Variants in ZNF7 observed in about 807,000 individuals in gnomAD.
ZNF7 encodes zinc finger protein 7.
In ZNF7, 10 loss-of-function variants were observed where a neutral mutation model predicts 12.0. The ratio of observed to expected loss-of-function variants is 0.83; its 90% CI spans 0.51 to 1.42. The LOEUF is 1.42. Among genes scored for constraint, ZNF7 ranks in the 40% most tolerant of loss-of-function variants. ZNF7 has a pLI of 0.00. For missense variants in ZNF7, 854 were observed against 837.2 expected (o/e 1.02, Z -0.25); for synonymous variants, 334 against 295.0 (o/e 1.13, Z -1.35).
downstream of ZNF7, chr8:144,845,905 C>T: frequency 4.2e-6 from 6 of 1,437,414 alleles, no homozygotes; most frequent in South Asian, 3.9e-5. Context: ...AGGGTCTTGG[C>T]AGGTAATGTG....
intron 1 of ZNF7, 148 bp from the exon 2 acceptor site, chr8:144,828,895 G>A: frequency 1.0e-6 from 1 of 973,260 alleles, no homozygotes; most frequent in Non-Finnish European, 1.5e-6. Flanking sequence ...TCACTCAAGT[G>A]CCATGGCTGC....
In ZNF7 at chr8:144,841,514, T is replaced by A; in HGVS notation, c.407T>A (p.Leu136Gln). Residue 136 changes from leucine to glutamine, a missense_variant, in exon 5 of 5, where the codon CTG becomes CAG. Physicochemically the swap from Leu to Gln is moderately radical, Grantham distance 113 (BLOSUM62 -2). Transcript: ENST00000532777. ...TCTGAGGTCTGGTTAGACAGTCATCTGGGCAGTCCCGGGCTGAAAGTGACA... is the reference window on the plus strand; with the variant it reads ...TCTGAGGTCTGGTTAGACAGTCATCAGGGCAGTCCCGGGCTGAAAGTGACA... ...SDSEVWLDSH[L>Q]GSPGLKVTGF... 6.2e-7 allele frequency: 1 copy of A among 1,614,216 alleles called. No individual in the cohort carries two copies. Among genetic ancestry groups the A allele is most frequent in the Non-Finnish European group, 8.5e-7 (1 of 1,180,036 alleles).
At position 144,829,029 on chromosome 8, in the gene ZNF7, A is replaced by G. The variant is rs1343454089; in HGVS notation, c.-45-14A>G. 15 of 1,612,862 alleles carry G rather than the reference A, an allele frequency of 9.3e-6. No homozygotes were observed. Among genetic ancestry groups the G allele is most frequent in the African/African-American group, 1.3e-5 (1 of 74,896 alleles). On this transcript the variant is annotated splice_polypyrimidine_tract_variant and intron_variant, in intron 1 of 4. Coordinates refer to ENST00000532777, the MANE Select transcript of ZNF7 (RefSeq NM_003416.4). ...TGGCACCTTGACCTCTAATCCTTTC[A>G]TAATTGCCAACAGGTCTCTCGGCCA...
At chr8:144,828,131 C>T (rs11994786) in intron 1 of ZNF7, 2 of 152,238 alleles carry the variant, frequency 1.3e-5, no homozygotes, top group African/African-American at 4.8e-5. Flanking sequence ...GGGGGATCAG[C>T]CTACCTGTGC....
chr8:144,837,491 A>G lies in ZNF7; in HGVS notation c.231A>G (p.Pro77=). The change falls in exon 4 of 5, where the codon CCA becomes CCG. Residue 77 remains proline, a synonymous_variant. Coordinates refer to ENST00000532777, the MANE Select transcript of ZNF7 (RefSeq NM_003416.4). ...AGGGAGCAGAGGGGACAGAGGCACC[A>G]AGGACCTCCAAGACAGGTGAGGCTT... ...DLQGAEGTEA[P]RTSKTDSTIR... The G allele has an allele frequency of 1.2e-6, 2 of 1,610,068 alleles. No individual in the cohort carries two copies. Among genetic ancestry groups the G allele is most frequent in the Non-Finnish European group, 1.7e-6 (2 of 1,176,882 alleles).
chr8:144,841,319 G>C (rs771987821), intron 4 of ZNF7, 36 bp from the exon 5 acceptor site: 9 of 1,560,398 alleles, frequency 5.8e-6, no homozygotes, highest in Admixed American at 1.8e-5. Context: ...TCTGAGCACA[G>C]GGCCTAAGGA....
At chr8:144,837,609 C>A in intron 4 of ZNF7, 102 bp downstream of exon 4, 1 of 755,068 alleles carries the variant, frequency 1.3e-6, no homozygotes, top group Non-Finnish European at 2.1e-6. Flanking sequence ...GGGGGCTACA[C>A]TGGGATGCCT....
At chr8:144,837,008 CT>C (rs1414575820) in intron 3 of ZNF7, 5 of 166,894 alleles carry the variant, frequency 3.0e-5, no homozygotes, top group African/African-American at 1.2e-4. Context: ...GTAACCACCC[CT>C]GCCTCTTGGA....
chr8:144,828,398 A>G (rs1828042798), intron 1 of ZNF7, among the ~76,000 whole-genome samples: 1 of 151,946 alleles, frequency 6.6e-6, no homozygotes, highest in Non-Finnish European at 1.5e-5. Context: ...TCTTCCCTAC[A>G]GTTTGTCATT....
At chr8:144,840,457 G>A (rs1829735434) in intron 4 of ZNF7, among the ~76,000 whole-genome samples, 1 of 152,214 alleles carries the variant, frequency 6.6e-6, no homozygotes, top group South Asian at 2.1e-4. Flanking sequence ...TGGCTGCGTG[G>A]TTGTGGTTGT....
intron 3 of ZNF7, 79 bp downstream of exon 3, chr8:144,829,683 G>T (rs1828209868): frequency 5.3e-6 from 8 of 1,522,588 alleles, no homozygotes; most frequent in Admixed American, 4.2e-5. Flanking sequence ...AGAGGCTGGG[G>T]TATGCAGGCC....
chr8:144,829,866 T>C (rs1242870293), intron 3 of ZNF7: 1 of 334,970 alleles, frequency 3.0e-6, no homozygotes, highest in Non-Finnish European at 5.4e-6. Context: ...AGAAATAGAA[T>C]CCAAACTTGA....
At chr8:144,846,149 A>G, downstream of ZNF7, 1 of 1,536,198 alleles carries the variant, frequency 6.5e-7, no homozygotes. Flanking sequence ...GGACAGAAGG[A>G]GGGGAACGTC....
rs767028266 is a variant in ZNF7 at position 144,842,387 on chromosome 8, G to A, written c.1280G>A (p.Arg427His). The A allele has an allele frequency of 2.4e-5, 38 of 1,613,814 alleles. No individual in the cohort carries two copies. Among genetic ancestry groups the A allele is most frequent in the Admixed American group, 1.5e-4 (9 of 60,002 alleles). The change falls in exon 5 of 5, where the codon CGC (arginine) becomes CAC (histidine). Residue 427 changes from arginine to histidine, a missense_variant. By Grantham distance (29) the Arg-to-His change is conservative. Transcript: ENST00000532777. ...GGGAAAGCTTTTAGGTGGATCTCTCGCCTGAGTCAGCATCAGCTGATTCAC... is the reference window on the plus strand; with the variant it reads ...GGGAAAGCTTTTAGGTGGATCTCTCACCTGAGTCAGCATCAGCTGATTCAC... Reference protein sequence around the residue: ...ECGKAFRWISRLSQHQLIHTG... With the variant: ...ECGKAFRWISHLSQHQLIHTG...
rs1378908120 is a variant in ZNF7 at position 144,842,160 on chromosome 8, A to G, written c.1053A>G (p.Arg351=). ...TCAGCCAGCAGTCGCAGCTGGTTAG[A>G]CACCAGAGAACTCACACTGGGGAGA... The part of the protein sequence containing the change: ...KAFSQQSQLV[R]HQRTHTGERP... Residue 351 remains arginine, a synonymous_variant, in exon 5 of 5, where the codon AGA becomes AGG. Coordinates refer to ENST00000532777, the MANE Select transcript of ZNF7 (RefSeq NM_003416.4). 3.1e-6 allele frequency: 5 copies of G among 1,613,544 alleles called. No individual in the cohort carries two copies. Among genetic ancestry groups the G allele is most frequent in the Non-Finnish European group, 4.2e-6 (5 of 1,179,890 alleles).
At chr8:144,835,255 G>A (rs916627341) in intron 3 of ZNF7, 6 of 150,634 alleles carry the variant, frequency 4.0e-5, no homozygotes, top group African/African-American at 1.2e-4. Flanking sequence ...CCAGCCTAGA[G>A]TACAGTGGTG....
rs372906310 is a variant in ZNF7, at chr8:144,842,897, T to C, written c.1790T>C (p.Ile597Thr). 8.1e-6 allele frequency: 13 copies of C among 1,614,202 alleles called. No homozygotes were observed. Among genetic ancestry groups the C allele is most frequent in the East Asian group, 4.5e-5 (2 of 44,886 alleles). Residue 597 changes from isoleucine to threonine, a missense_variant, in exon 5 of 5, where the codon ATT becomes ACT. Coordinates refer to ENST00000532777, the MANE Select transcript of ZNF7 (RefSeq NM_003416.4). ...GKAFSRSSYLIEHQRIHTRAQ... is the reference protein window; with the variant it reads ...GKAFSRSSYLTEHQRIHTRAQ... ...GCCTTCAGCCGGAGCTCATATCTTA[T>C]TGAACACCAGAGAATACACACTAGG...
At chr8:144,829,702 A>C in intron 3 of ZNF7, 98 bp downstream of exon 3, 2 of 1,467,260 alleles carry the variant, frequency 1.4e-6, no homozygotes, top group East Asian at 4.8e-5. Context: ...CCAAACGCTC[A>C]GACCCTTGTG....
chr8:144,833,438 G>A (rs968796973), intron 3 of ZNF7, among the ~76,000 whole-genome samples: 1 of 151,402 alleles, frequency 6.6e-6, no homozygotes, highest in Non-Finnish European at 1.5e-5. Context: ...GTGCGATCTC[G>A]GCTCACTGCA....
Sources: gnomAD v4.1 joint callset for allele counts (sites outside exome capture counted in the v4.1 genomes callset) on GRCh38, gnomAD v4.1.1 for gene constraint, MANE v1.5 for transcripts, NCBI Gene and HGNC (gene_info 2026-07-23, HGNC 2026-07-21) for gene names.